GFRA2: variants seen among roughly 807,000 people sequenced by gnomAD.
GFRA2 encodes GDNF family receptor alpha-2.
In GFRA2, 17 loss-of-function variants were observed where a neutral mutation model predicts 48.3. The observed-to-expected ratio is 0.35, with a 90% CI of 0.24 to 0.53. The LOEUF (loss-of-function observed/expected upper bound fraction) is 0.53, where lower values mean the gene tolerates loss of function less well. GFRA2 is among the 20% of genes least tolerant of loss of function. The pLI is 0.93. For missense variants in GFRA2, 660 were observed against 637.3 expected (o/e 1.04, Z -0.38); for synonymous variants, 305 against 257.2 (o/e 1.19, Z -1.78).
chr8:21,734,994 G>A (rs1436950924), intron 4 of GFRA2, among the ~76,000 whole-genome samples: 1 of 152,150 alleles, frequency 6.6e-6, no homozygotes, highest in Non-Finnish European at 1.5e-5. Flanking sequence ...CCTTTTGGAA[G>A]CCCCCTCCCC....
At chr8:21,712,894 G>A (rs1428011589) in intron 4 of GFRA2, among the ~76,000 whole-genome samples, 3 of 152,254 alleles carry the variant, frequency 2.0e-5, no homozygotes, top group Non-Finnish European at 1.5e-5. Context: ...GCAATCGCAG[G>A]CACTCGGCAG....
At chr8:21,772,462 T>G (rs895246644) in intron 3 of GFRA2, among the ~76,000 whole-genome samples, 6 of 152,152 alleles carry the variant, frequency 3.9e-5, no homozygotes, top group Non-Finnish European at 7.4e-5. Flanking sequence ...CGTGAGCCAC[T>G]GTGCCCAGCC....
chr8:21,733,824 C>T (rs1021208366), intron 4 of GFRA2, among the ~76,000 whole-genome samples: 2 of 152,128 alleles, frequency 1.3e-5, no homozygotes, highest in African/African-American at 4.8e-5. Context: ...GCAATGAAAG[C>T]GCCGAGATGA....
intron 1 of GFRA2, among the ~76,000 whole-genome samples, chr8:21,810,553 C>A (rs1807958863): frequency 6.6e-6 from 1 of 152,118 alleles, no homozygotes; most frequent in South Asian, 2.1e-4. Context: ...CTGGCTGGCA[C>A]TGAGGGTAAT....
At chr8:21,782,953 C>A in intron 1 of GFRA2, 54 bp from the exon 2 acceptor site, 1 of 1,485,792 alleles carries the variant, frequency 6.7e-7, no homozygotes, top group African/African-American at 1.4e-5. Flanking sequence ...CAATCTCCCA[C>A]CCAAGATGCA....
chr8:21,763,462 G>A (rs1022951559), intron 3 of GFRA2, among the ~76,000 whole-genome samples: 19 of 151,948 alleles, frequency 1.3e-4, no homozygotes, highest in Admixed American at 9.8e-4. Context: ...CACCATCTCC[G>A]GTTCATCCCT....
At chr8:21,752,998 GC>G (rs1385647852) in intron 3 of GFRA2, among the ~76,000 whole-genome samples, 1 of 151,912 alleles carries the variant, frequency 6.6e-6, no homozygotes, top group Admixed American at 6.6e-5. Flanking sequence ...TTTGCCCTGT[GC>G]CCCCATACCC....
chr8:21,795,014 G>A (rs1193389009), intron 2 of GFRA2, among the ~76,000 whole-genome samples: 1 of 152,232 alleles, frequency 6.6e-6, no homozygotes, highest in Non-Finnish European at 1.5e-5. Context: ...AGGAGGTGGA[G>A]CTCTGGTTTT....
chr8:21,786,098 G>A (rs1446826851), intron 1 of GFRA2, among the ~76,000 whole-genome samples: 1 of 152,214 alleles, frequency 6.6e-6, no homozygotes, highest in Non-Finnish European at 1.5e-5. Context: ...TGGAGCAAGG[G>A]GATGCTGAGC....
intron 1 of GFRA2, among the ~76,000 whole-genome samples, chr8:21,807,355 A>G (rs1441923329): frequency 6.6e-6 from 1 of 152,134 alleles, no homozygotes; most frequent in Non-Finnish European, 1.5e-5. Context: ...ACAGCATGAA[A>G]GCCCTCACCA....
At chr8:21,694,666 C>A (rs1585217217) in intron 7 of GFRA2, 149 bp from the exon 8 acceptor site, 2 of 727,838 alleles carry the variant, frequency 2.7e-6, no homozygotes, top group East Asian at 2.7e-5. Flanking sequence ...TCAATTCCAC[C>A]CAGCACAAAA....
At chr8:21,723,470 G>A (rs1363295533) in intron 4 of GFRA2, among the ~76,000 whole-genome samples, 1 of 152,238 alleles carries the variant, frequency 6.6e-6, no homozygotes, top group Non-Finnish European at 1.5e-5. Context: ...GCAGGAAATA[G>A]ATCCCAGCCA....
chr8:21,782,580 CT>C lies in GFRA2; in HGVS notation c.355+4del. 1 of 1,565,074 alleles carries C rather than the reference CT, an allele frequency of 6.4e-7. No individual in the cohort carries two copies. On this transcript the variant is annotated splice_donor_region_variant and intron_variant, in intron 2 of 8. Transcript: ENST00000524240. Reference sequence around the variant, plus strand: ...TCCCCTTGGGCAAGCCCCGCCCAGGCTTACCCTCGGTCAGCCCCAGGTGGAT... The same window carrying C: ...TCCCCTTGGGCAAGCCCCGCCCAGGCTACCCTCGGTCAGCCCCAGGTGGAT...
intron 3 of GFRA2, among the ~76,000 whole-genome samples, chr8:21,764,927 C>T (rs899051606): frequency 6.6e-6 from 1 of 152,112 alleles, no homozygotes; most frequent in African/African-American, 2.4e-5. Context: ...ATTTTCTCCT[C>T]CATCCTCCTC....
At chr8:21,735,377 C>T (rs542003688) in intron 4 of GFRA2, among the ~76,000 whole-genome samples, 9 of 152,208 alleles carry the variant, frequency 5.9e-5, no homozygotes, top group African/African-American at 1.2e-4. Context: ...AAGCCCCCCC[C>T]CAATCCACCC....
intron 6 of GFRA2, among the ~76,000 whole-genome samples, chr8:21,703,852 C>G (rs1043196559): frequency 1.2e-4 from 18 of 152,224 alleles, no homozygotes; most frequent in Non-Finnish European, 5.9e-5. Context: ...ATGGGCCTCT[C>G]TGTGTCAGGT....
At chr8:21,744,698 A>C (rs1401701586) in intron 4 of GFRA2, among the ~76,000 whole-genome samples, 1 of 152,166 alleles carries the variant, frequency 6.6e-6, no homozygotes. Flanking sequence ...AATCCAGCCA[A>C]ATGCCATGGA....
At chr8:21,723,076 C>T (rs1198823220) in intron 4 of GFRA2, among the ~76,000 whole-genome samples, 1 of 152,144 alleles carries the variant, frequency 6.6e-6, no homozygotes, top group Non-Finnish European at 1.5e-5. Flanking sequence ...CATCAGGACC[C>T]GGGTGCTTCT....
chr8:21,694,920 G>A (rs1004656406), intron 7 of GFRA2, among the ~76,000 whole-genome samples: 7 of 152,230 alleles, frequency 4.6e-5, no homozygotes, highest in African/African-American at 1.7e-4. Flanking sequence ...ATCCATGAAT[G>A]AATGAATGAA....
Sources: gnomAD v4.1 joint callset for allele counts (sites outside exome capture counted in the v4.1 genomes callset) on GRCh38, gnomAD v4.1.1 for gene constraint, MANE v1.5 for transcripts, NCBI Gene and HGNC (gene_info 2026-07-23, HGNC 2026-07-21) for gene names.